WNT4: variants seen among roughly 807,000 people sequenced by gnomAD.
WNT4 encodes Wnt family member 4, also known as protein Wnt-4.
WNT4 carries 16 observed loss-of-function variants against 34.5 expected under a neutral mutation model. The observed-to-expected ratio is 0.46, with a 90% CI of 0.31 to 0.70. The LOEUF is 0.70. Ranked by LOEUF, WNT4 falls within the 30% of genes least tolerant of loss-of-function variation. WNT4 has a pLI of 0.04. For synonymous variants in WNT4, 200 were observed against 211.9 expected (o/e 0.94, Z 0.49); for missense variants, 379 against 495.9 (o/e 0.76, Z 2.24).
chr1:22,127,217 C>T (rs1190256937), intron 2 of WNT4: 1 of 465,394 alleles, frequency 2.1e-6, no homozygotes, highest in East Asian at 6.8e-5. Flanking sequence ...TTCGACTCCA[C>T]CAGTCAGACT....
At position 22,140,182 on chromosome 1, in the gene WNT4, G is replaced by C; in HGVS notation, c.77+2664C>G. On this transcript the variant is annotated intron_variant, in intron 1 of 4. Transcript: ENST00000290167. This position sits in a 1 kb window ranked among gnomAD's most constrained non-coding sequence, Gnocchi z 5.9. ...CTGTCAGCTATCCTCTCGGGGCCAG[G>C]CCTCCTCATACCTCACACTTGAAAA... is the stretch of plus-strand genomic sequence containing the variant. 1 of 985,394 alleles carries C rather than the reference G, an allele frequency of 1.0e-6. No homozygotes were observed. The highest frequency in any genetic ancestry group is 1.2e-6 in the Non-Finnish European group (1 of 829,916). The allele number at this position is 985,394 out of a possible 1,614,324, so 61.0% of individuals were successfully genotyped here. A position where few individuals can be genotyped will look rare whatever the true frequency, so the allele number is the denominator to read the frequency against.
At position 22,119,957 on chromosome 1, in the gene WNT4, C is replaced by T; in HGVS notation, c.*93G>A. ...ACCAAACCAGAACAAAAAATACAAC[C>T]AGTATCTCTTGGGGTAGGTGGTGGG... On this transcript the variant is annotated 3_prime_UTR_variant, in exon 5 of 5. Transcript: ENST00000290167. 2.1e-6 allele frequency: 3 copies of T among 1,460,642 alleles called. No homozygotes were observed. Among genetic ancestry groups the T allele is most frequent in the East Asian group, 2.4e-5 (1 of 42,062 alleles). 90.5% of individuals were successfully genotyped at this position (1,460,642 alleles called of 1,614,324 possible). A position where few individuals can be genotyped will look rare whatever the true frequency, so the allele number is the denominator to read the frequency against.
chr1:22,123,638 A>C (rs1349215866), intron 2 of WNT4, among the ~76,000 whole-genome samples: 1 of 152,182 alleles, frequency 6.6e-6, no homozygotes, highest in East Asian at 1.9e-4. Flanking sequence ...TGAGGCACTG[A>C]GTGGTAAAGC....
intron 1 of WNT4, among the ~76,000 whole-genome samples, chr1:22,130,694 C>T (rs552184159): frequency 2.6e-5 from 4 of 152,270 alleles, no homozygotes; most frequent in Middle Eastern, 3.4e-3. Flanking sequence ...AAGGGAACAC[C>T]GGTTCTGTCT....
At chr1:22,130,263 C>CT (rs35151185) in intron 1 of WNT4, among the ~76,000 whole-genome samples, 26,303 of 152,198 alleles carry the variant, frequency 0.17, 2,382 homozygotes, top group Middle Eastern at 0.21. Flanking sequence ...CAGGGTCTCT[C>CT]TTCCCTGTCC....
At chr1:22,123,650 A>G (rs1453257649) in intron 2 of WNT4, among the ~76,000 whole-genome samples, 1 of 152,200 alleles carries the variant, frequency 6.6e-6, no homozygotes, top group Admixed American at 6.5e-5. Context: ...TGGTAAAGCA[A>G]CTTGTCCAAC....
At position 22,142,856 on chromosome 1, in the gene WNT4, TCG is replaced by T; in HGVS notation, c.65_66del (p.Ala22GlufsTer54). On this transcript the variant is annotated frameshift_variant, in exon 1 of 5. Transcript: ENST00000290167. LOFTEE classifies it high-confidence loss of function. The surrounding 1 kb of genome is among the most constrained non-coding windows in gnomAD (Gnocchi z 6.0). ...LLVFAVFSAA[A>X]SNWLYLAKLS... ...CCCGGCCAGACTTACAGCCAGTTGC[TCG>T]CGGCGGCTGAGAAGACGGCGAAGAC... 1 of 1,211,248 alleles carries T rather than the reference TCG, an allele frequency of 8.3e-7. No homozygotes were observed. The allele number at this position is 1,211,248 out of a possible 1,614,324, so 75.0% of individuals were successfully genotyped here. A position where few individuals can be genotyped will look rare whatever the true frequency, so the allele number is the denominator to read the frequency against.
intron 2 of WNT4, 58 bp from the exon 3 acceptor site, chr1:22,121,634 T>C (rs1645899469): frequency 6.3e-7 from 1 of 1,591,942 alleles, no homozygotes; most frequent in African/African-American, 1.3e-5. Context: ...TGCACCCTCC[T>C]TTGTAGAGGG....
chr1:22,120,149 C>G lies in WNT4; in HGVS notation c.957G>C (p.Gln319His), dbSNP rs762450084. The G allele has an allele frequency of 4.3e-6, 7 of 1,613,522 alleles. No homozygotes were observed. In the African/African-American group the frequency reaches 9.3e-5, roughly 21 times the overall value. ...AGCTGCAGCGTTCAGCCAGCTCCACCTGCGCCGTGTGGAAGCCGCGGCCAC... is the reference window on the plus strand; with the variant it reads ...AGCTGCAGCGTTCAGCCAGCTCCACGTGCGCCGTGTGGAAGCCGCGGCCAC... ...LCCGRGFHTA[Q>H]VELAERCSCK... Residue 319 changes from glutamine to histidine, a missense_variant, in exon 5 of 5, where the codon CAG becomes CAC. Physicochemically the swap from Gln to His is conservative, Grantham distance 24. This residue lies in a region of WNT4 where 313 missense variants were observed against 445.8 expected (regional missense o/e 0.70). Transcript: ENST00000290167.
chr1:22,124,920 C>G (rs1326053094), intron 2 of WNT4, among the ~76,000 whole-genome samples: 2 of 152,152 alleles, frequency 1.3e-5, no homozygotes, highest in Non-Finnish European at 2.9e-5. Flanking sequence ...ATAACCTTAT[C>G]CCCCATTCTC....
At chr1:22,132,736 A>G (rs1239963664) in intron 1 of WNT4, among the ~76,000 whole-genome samples, 1 of 152,158 alleles carries the variant, frequency 6.6e-6, no homozygotes, top group Non-Finnish European at 1.5e-5. Flanking sequence ...GCCAGCTTCC[A>G]GGAAGGAGCT....
At chr1:22,124,655 G>T (rs1645927461) in intron 2 of WNT4, among the ~76,000 whole-genome samples, 1 of 152,200 alleles carries the variant, frequency 6.6e-6, no homozygotes, top group African/African-American at 2.4e-5. Flanking sequence ...GCCAAGTGGG[G>T]ATTAGAACCA....
intron 1 of WNT4, among the ~76,000 whole-genome samples, chr1:22,135,618 G>A (rs12037376): frequency 0.14 from 21,551 of 152,224 alleles, 2,332 homozygotes; most frequent in East Asian, 0.51. Flanking sequence ...TGCCTGGACA[G>A]TATGGAAGCC....
chr1:22,125,576 T>C (rs1420134575), intron 2 of WNT4, among the ~76,000 whole-genome samples: 1 of 152,146 alleles, frequency 6.6e-6, no homozygotes, highest in African/African-American at 2.4e-5. Context: ...AGGCCTGGGT[T>C]TGGACCCTCA....
rs1645866199 is a variant in WNT4 at position 22,118,493 on chromosome 1, G to C, written c.*1557C>G. ...TCGTGATGGTTTGGCGGTTGTACAG[G>C]GTCAGGCCCAGGTTGCTGGTGCTGT... On this transcript the variant is annotated 3_prime_UTR_variant, in exon 5 of 5. Coordinates refer to ENST00000290167, the MANE Select transcript of WNT4 (RefSeq NM_030761.5). The C allele has an allele frequency of 2.0e-5, 3 of 152,350 alleles. No individual in the cohort carries two copies. In the South Asian group the frequency reaches 6.2e-4, roughly 32 times the overall value. 9.4% of individuals were successfully genotyped at this position (152,350 alleles called of 1,614,324 possible).
intron 2 of WNT4, 69 bp downstream of exon 2, chr1:22,129,547 C>G: frequency 6.5e-7 from 1 of 1,529,950 alleles, no homozygotes. Context: ...TCACGAGCGT[C>G]TCATTTCCTG....
In WNT4 at chr1:22,140,124, G is replaced by A. The variant is rs1341755314; in HGVS notation, c.77+2722C>T. The A allele has an allele frequency of 9.4e-6, 9 of 956,678 alleles. No homozygotes were observed. Among genetic ancestry groups the A allele is most frequent in the African/African-American group, 1.8e-5 (1 of 56,702 alleles). The allele number at this position is 956,678 out of a possible 1,614,324, so 59.3% of individuals were successfully genotyped here. A position where few individuals can be genotyped will look rare whatever the true frequency, so the allele number is the denominator to read the frequency against. ...CCTGGACTCCAGGGTATTGGGAGGC[G>A]AGCGGAACCTAGACCTTGCTCCTTG... On this transcript the variant is annotated intron_variant, in intron 1 of 4. Transcript: ENST00000290167. This position sits in a 1 kb window ranked among gnomAD's most constrained non-coding sequence, Gnocchi z 5.9.
intron 2 of WNT4, among the ~76,000 whole-genome samples, chr1:22,128,629 G>C (rs956599124): frequency 6.6e-6 from 1 of 152,186 alleles, no homozygotes; most frequent in Non-Finnish European, 1.5e-5. Flanking sequence ...CTGGCCCATT[G>C]ATCACAGCGT....
chr1:22,127,268 C>T, intron 2 of WNT4: 2 of 517,700 alleles, frequency 3.9e-6, no homozygotes, highest in Non-Finnish European at 7.9e-6. Flanking sequence ...GTAGGAATCT[C>T]AGTGTCCCTC....
Sources: gnomAD v4.1 joint callset for allele counts (sites outside exome capture counted in the v4.1 genomes callset) on GRCh38, gnomAD v4.1.1 for gene constraint, gnomAD v4.1.1 regional missense constraint, Gnocchi (gnomAD v3.1) non-coding constraint, MANE v1.5 for transcripts, NCBI Gene and HGNC (gene_info 2026-07-23, HGNC 2026-07-21) for gene names.